Variants in TMEM64 observed in about 807,000 individuals in gnomAD.
The protein encoded by TMEM64 is transmembrane protein 64.
In TMEM64, 19 loss-of-function variants were observed where a neutral mutation model predicts 24.5. The observed-to-expected ratio is 0.78, with a 90% CI of 0.54 to 1.14. TMEM64 has a LOEUF of 1.14. TMEM64 is among the 50% of genes most tolerant of loss of function. The pLI is 0.00. For missense variants in TMEM64, 487 were observed against 493.0 expected (o/e 0.99, Z 0.12); for synonymous variants, 262 against 224.7 (o/e 1.17, Z -1.49).
intron 1 of TMEM64, among the ~76,000 whole-genome samples, chr8:90,633,390 G>T (rs2130501424): frequency 6.6e-6 from 1 of 152,298 alleles, no homozygotes; most frequent in South Asian, 2.1e-4. Context: ...CCAAAACCTT[G>T]ATTGCAGCAT....
chr8:90,642,058 G>C (rs1809612029), intron 1 of TMEM64, among the ~76,000 whole-genome samples: 1 of 152,144 alleles, frequency 6.6e-6, no homozygotes, highest in Non-Finnish European at 1.5e-5. Flanking sequence ...AGATAAGCAA[G>C]GGAAAGCACC....
rs1351062585 is a variant in TMEM64 at position 90,645,741 on chromosome 8, C to T, written c.165G>A (p.Ala55=). ...RLPRGGGASA[A]AAAAAASGAL... ...CGCCCGAGGCCGCCGCTGCTGCCGC[C>T]GCCGCGCTCGCCCCGCCCCCGCGGG... The change falls in exon 1 of 3, where the codon GCG becomes GCA. Residue 55 remains alanine, a synonymous_variant. Transcript: ENST00000458549. The surrounding 1 kb of genome is among the most constrained non-coding windows in gnomAD (Gnocchi z 4.2). 7.2e-6 allele frequency: 8 copies of T among 1,109,850 alleles called. No individual in the cohort carries two copies. Among genetic ancestry groups the T allele is most frequent in the African/African-American group, 1.7e-5 (1 of 59,990 alleles). The allele number at this position is 1,109,850 out of a possible 1,614,324, so 68.8% of individuals were successfully genotyped here.
intron 1 of TMEM64, 28 bp from the exon 2 acceptor site, chr8:90,631,735 T>C: frequency 6.4e-7 from 1 of 1,570,770 alleles, no homozygotes; most frequent in Non-Finnish European, 8.7e-7. Flanking sequence ...AGGGAATGAT[T>C]CATTACCAAG....
At position 90,623,215 on chromosome 8, in the gene TMEM64, T is replaced by C. The variant is rs1475536781; in HGVS notation, c.*2456A>G. ...TACTGCACTTTAACAGTCTGAGAAA[T>C]TTGACATTTCATTTCTATAAATATA... is the stretch of plus-strand genomic sequence containing the variant. On this transcript the variant is annotated 3_prime_UTR_variant, in exon 3 of 3. Transcript: ENST00000458549. The C allele has an allele frequency of 6.6e-6, 1 of 152,178 alleles. No homozygotes were observed. The highest frequency in any genetic ancestry group is 2.4e-5 in the African/African-American group (1 of 41,454). 9.4% of individuals were successfully genotyped at this position (152,178 alleles called of 1,614,324 possible). A position where few individuals can be genotyped will look rare whatever the true frequency, so the allele number is the denominator to read the frequency against.
intron 2 of TMEM64, 34 bp from the exon 3 acceptor site, chr8:90,625,896 T>C: frequency 6.9e-7 from 1 of 1,440,064 alleles, no homozygotes; most frequent in Non-Finnish European, 9.4e-7. Context: ...CAGTTATCAA[T>C]ATTTTATACA....
chr8:90,640,546 C>T (rs76731279), intron 1 of TMEM64, among the ~76,000 whole-genome samples: 3 of 152,274 alleles, frequency 2.0e-5, no homozygotes, highest in East Asian at 1.9e-4. Context: ...TAAATCACTT[C>T]GCCAGGGCTA....
rs1351835517 is a variant in TMEM64 at position 90,623,050 on chromosome 8, CAA to C, written c.*2619_*2620del. 1 of 151,698 alleles carries C rather than the reference CAA, an allele frequency of 6.6e-6. No homozygotes were observed. Among genetic ancestry groups the C allele is most frequent in the Non-Finnish European group, 1.5e-5 (1 of 67,924 alleles). 9.4% of individuals were successfully genotyped at this position (151,698 alleles called of 1,614,324 possible). ...AAATAACCTACATGACAAAATTTGG[CAA>C]AGAGTAAACAAAATCATTAACAATA... On this transcript the variant is annotated 3_prime_UTR_variant, in exon 3 of 3. Coordinates refer to ENST00000458549, the MANE Select transcript of TMEM64 (RefSeq NM_001008495.4).
intron 1 of TMEM64, 87 bp from the exon 2 acceptor site, chr8:90,631,794 TG>T (rs1809444115): frequency 8.6e-7 from 1 of 1,160,078 alleles, no homozygotes; most frequent in South Asian, 1.7e-5. Context: ...GTCTAACTAG[TG>T]GTATTTCCTC....
At chr8:90,633,981 T>A (rs1809479038) in intron 1 of TMEM64, among the ~76,000 whole-genome samples, 1 of 152,182 alleles carries the variant, frequency 6.6e-6, no homozygotes, top group Non-Finnish European at 1.5e-5. Flanking sequence ...CAAATGTTTT[T>A]AAATTTTTAT....
At chr8:90,634,847 A>T (rs1160138906) in intron 1 of TMEM64, among the ~76,000 whole-genome samples, 2 of 152,246 alleles carry the variant, frequency 1.3e-5, no homozygotes, top group East Asian at 3.8e-4. Flanking sequence ...TTAAAATCTG[A>T]TACTTTAATC....
intron 1 of TMEM64, among the ~76,000 whole-genome samples, chr8:90,633,230 T>C (rs1205228558): frequency 6.6e-6 from 1 of 152,224 alleles, no homozygotes; most frequent in African/African-American, 2.4e-5. Flanking sequence ...TAAGCTGCCA[T>C]GCTCTAAGTA....
chr8:90,623,443 G>C lies in TMEM64; in HGVS notation c.*2228C>G, dbSNP rs902507211. 3.3e-5 allele frequency: 5 copies of C among 152,386 alleles called. No homozygotes were observed. The highest frequency in any genetic ancestry group is 3.3e-4 in the Admixed American group (5 of 15,250). 9.4% of individuals were successfully genotyped at this position (152,386 alleles called of 1,614,324 possible). ...ACCAAATTTACCCATCAAGTAGCAGGACTATAAGGGACTATTGTTTACTTG... is the reference window on the plus strand; with the variant it reads ...ACCAAATTTACCCATCAAGTAGCAGCACTATAAGGGACTATTGTTTACTTG... On this transcript the variant is annotated 3_prime_UTR_variant, in exon 3 of 3. Transcript: ENST00000458549.
In TMEM64 at chr8:90,645,163, G is replaced by A. The variant is rs1467688656; in HGVS notation, c.743C>T (p.Ala248Val). 3.1e-6 allele frequency: 5 copies of A among 1,613,896 alleles called. No individual in the cohort carries two copies. Among genetic ancestry groups the A allele is most frequent in the Non-Finnish European group, 3.4e-6 (4 of 1,179,926 alleles). ...AGGTATGGGTGTCAGTCTGGCCAGC[G>A]CCACCACTTTCAGGCCGCTTCCTCC... ...VEGGSGLKVVALARLTPIPFG... is the reference protein window; with the variant it reads ...VEGGSGLKVVVLARLTPIPFG... The change falls in exon 1 of 3, where the codon GCG (alanine) becomes GTG (valine). Residue 248 changes from alanine to valine, a missense_variant. Transcript: ENST00000458549. This position sits in a 1 kb window ranked among gnomAD's most constrained non-coding sequence, Gnocchi z 4.2.
At position 90,645,894 on chromosome 8, in the gene TMEM64, C is replaced by T. The variant is rs1184675033; in HGVS notation, c.12G>A (p.Pro4=). ...GCAGCGCCTGGAGCAGGATCCCGCC[C>T]GGGCTCCGCATGCCTCGGCCCAGCG... MRS[P]GGILLQALPR... The change falls in exon 1 of 3, where the codon CCG becomes CCA. Residue 4 remains proline, a synonymous_variant. Transcript: ENST00000458549. This position sits in a 1 kb window ranked among gnomAD's most constrained non-coding sequence, Gnocchi z 4.2. The T allele has an allele frequency of 3.5e-6, 4 of 1,139,372 alleles. No homozygotes were observed. Among genetic ancestry groups the T allele is most frequent in the African/African-American group, 1.6e-5 (1 of 60,978 alleles). The allele number at this position is 1,139,372 out of a possible 1,614,324, so 70.6% of individuals were successfully genotyped here.
At chr8:90,633,329 G>A (rs956863677) in intron 1 of TMEM64, among the ~76,000 whole-genome samples, 1 of 152,210 alleles carries the variant, frequency 6.6e-6, no homozygotes, top group African/African-American at 2.4e-5. Context: ...CCAGTCAATA[G>A]CCTGGAAGTG....
At position 90,624,462 on chromosome 8, in the gene TMEM64, C is replaced by T. The variant is rs530669901; in HGVS notation, c.*1209G>A. 1 of 152,388 alleles carries T rather than the reference C, an allele frequency of 6.6e-6. No homozygotes were observed. The highest frequency in any genetic ancestry group is 1.5e-5 in the Non-Finnish European group (1 of 67,912). 9.4% of individuals were successfully genotyped at this position (152,388 alleles called of 1,614,324 possible). The stretch of plus-strand genomic sequence containing the variant: ...AAACGAATACATATGTAATATGAAT[C>T]ATATGCCAAATTATATTCTATAGTC... On this transcript the variant is annotated 3_prime_UTR_variant, in exon 3 of 3. Coordinates refer to ENST00000458549, the MANE Select transcript of TMEM64 (RefSeq NM_001008495.4).
intron 1 of TMEM64, among the ~76,000 whole-genome samples, chr8:90,639,676 G>A (rs560261498): frequency 2.8e-4 from 43 of 151,942 alleles, no homozygotes; most frequent in African/African-American, 9.2e-4. Context: ...AGTAAAAGAA[G>A]GTCACAAAAA....
chr8:90,628,691 C>G (rs1268171375), intron 2 of TMEM64, among the ~76,000 whole-genome samples: 1 of 152,142 alleles, frequency 6.6e-6, no homozygotes, highest in Non-Finnish European at 1.5e-5. Flanking sequence ...ACCACAGAAT[C>G]TAAGCTGGAT....
At chr8:90,633,659 T>C (rs1285981140) in intron 1 of TMEM64, among the ~76,000 whole-genome samples, 2 of 152,264 alleles carry the variant, frequency 1.3e-5, no homozygotes, top group Non-Finnish European at 2.9e-5. Flanking sequence ...TACATGAATG[T>C]GTCCATTGTG....
Sources: gnomAD v4.1 joint callset for allele counts (sites outside exome capture counted in the v4.1 genomes callset) on GRCh38, gnomAD v4.1.1 for gene constraint, Gnocchi (gnomAD v3.1) non-coding constraint, MANE v1.5 for transcripts, NCBI Gene and HGNC (gene_info 2026-07-23, HGNC 2026-07-21) for gene names.